Variants in NOL6 observed in about 807,000 individuals in gnomAD.
The protein encoded by NOL6 is nucleolar RNA-associated protein.
In NOL6, 33 loss-of-function variants were observed where a neutral mutation model predicts 131.7. The ratio of observed to expected loss-of-function variants is 0.25; its 90% CI spans 0.19 to 0.33. The LOEUF (loss-of-function observed/expected upper bound fraction) is 0.33. Among genes scored for constraint, NOL6 ranks in the 10% least tolerant of loss-of-function variants. The pLI, the probability that NOL6 is intolerant of heterozygous loss-of-function variation, is 1.00. For missense variants in NOL6, 1,297 were observed against 1,494.5 expected (o/e 0.87, Z 2.18); for synonymous variants, 580 against 605.7 (o/e 0.96, Z 0.62).
chr9:33,464,815 A>T (rs1827195114), intron 21 of NOL6, 64 bp downstream of exon 21: 2 of 1,211,088 alleles, frequency 1.7e-6, no homozygotes, highest in Admixed American at 1.8e-5. Context: ...TGCCAGGGAA[A>T]CCCTTGCCTG....
In NOL6 at chr9:33,464,864, T is replaced by G; in HGVS notation, c.2779+15A>C. 1.3e-6 allele frequency: 2 copies of G among 1,584,512 alleles called. No homozygotes were observed. Among genetic ancestry groups the G allele is most frequent in the Non-Finnish European group, 1.7e-6 (2 of 1,153,524 alleles). On this transcript the variant is annotated intron_variant, in intron 21 of 25. Transcript: ENST00000297990. ...GCTGTTCTTCCAGCAGTCTGACCCCTGTTCTACCACTTACCAGTGAGCTCA... is the reference window on the plus strand; with the variant it reads ...GCTGTTCTTCCAGCAGTCTGACCCCGGTTCTACCACTTACCAGTGAGCTCA...
rs1827264658 is a variant in NOL6 at position 33,466,987 on chromosome 9, G to A, written c.1875C>T (p.Leu625=). The change falls in exon 15 of 26, where the codon CTC becomes CTT. Residue 625 remains leucine (L), a splice_region_variant and synonymous_variant. Coordinates refer to ENST00000297990, the MANE Select transcript of NOL6 (RefSeq NM_022917.5). ...CACAGGTTTCTGGGATGTCAGCATG[G>A]CTGAAAAAGAGGCAGAGACACAGTG... ...PHQVVTHLLA[L]HADIPETCVH... The A allele has an allele frequency of 1.2e-6, 2 of 1,614,024 alleles. No homozygotes were observed. The highest frequency in any genetic ancestry group is 2.7e-5 in the African/African-American group (2 of 74,922).
Position 33,466,971 on chromosome 9 carries a change from C to T in NOL6, c.1891G>A (p.Glu631Lys), listed in dbSNP as rs1827264128. 6.2e-7 allele frequency: 1 copy of T among 1,614,130 alleles called. No individual in the cohort carries two copies. Among genetic ancestry groups the T allele is most frequent in the Non-Finnish European group, 8.5e-7 (1 of 1,180,034 alleles). ...HLLALHADIP[E>K]TCVHYVGGPL... Reference sequence around the variant, plus strand: ...CCCCCCACATAGTGGACACAGGTTTCTGGGATGTCAGCATGGCTGAAAAAG... The same window carrying T: ...CCCCCCACATAGTGGACACAGGTTTTTGGGATGTCAGCATGGCTGAAAAAG... The change falls in exon 15 of 26, where the codon GAA becomes AAA. Residue 631 changes from glutamate (E) to lysine (K), a missense_variant. Coordinates refer to ENST00000297990, the MANE Select transcript of NOL6 (RefSeq NM_022917.5).
At chr9:33,469,406 G>A in intron 5 of NOL6, 65 bp from the exon 6 acceptor site, 1 of 1,610,378 alleles carries the variant, frequency 6.2e-7, no homozygotes, top group Non-Finnish European at 8.5e-7. Flanking sequence ...TCCCCATCCT[G>A]TCCCCCCATA....
chr9:33,468,043 C>A lies in NOL6; in HGVS notation c.1411G>T (p.Asp471Tyr). 6.2e-7 allele frequency: 1 copy of A among 1,614,126 alleles called. No individual in the cohort carries two copies. The highest frequency in any genetic ancestry group is 1.1e-5 in the South Asian group (1 of 91,052). ...MTPKPMIRAF[D>Y]HVLHLRPLSR... is the part of the protein sequence containing the mutation. ...CCCTAAACTCACTGCAGGACATGGT[C>A]AAAAGCCCGGATCATGGGTTTGGGA... is the stretch of plus-strand genomic sequence containing the variant. Residue 471 changes from aspartate (D) to tyrosine (Y), a missense_variant, in exon 11 of 26, where the codon GAC (aspartate) becomes TAC (tyrosine). Physicochemically the swap from Asp to Tyr is radical, Grantham distance 160 (BLOSUM62 -3). Transcript: ENST00000297990.
chr9:33,462,262 C>T lies in NOL6; in HGVS notation c.*402G>A. Reference sequence around the variant, plus strand: ...GGGCATGCTAAGTCTAGGCACAGGTCCTGGCAGCAGGAAGGAGACAGAGCC... The same window carrying T: ...GGGCATGCTAAGTCTAGGCACAGGTTCTGGCAGCAGGAAGGAGACAGAGCC... On this transcript the variant is annotated 3_prime_UTR_variant, in exon 26 of 26. Coordinates refer to ENST00000297990, the MANE Select transcript of NOL6 (RefSeq NM_022917.5). The T allele has an allele frequency of 1.4e-6, 1 of 715,744 alleles. No individual in the cohort carries two copies. Among genetic ancestry groups the T allele is most frequent in the East Asian group, 2.7e-5 (1 of 37,286 alleles). 44.3% of individuals were successfully genotyped at this position (715,744 alleles called of 1,614,324 possible).
chr9:33,472,165 G>A (rs1273999097), intron 2 of NOL6, 41 bp downstream of exon 2: 2 of 1,613,226 alleles, frequency 1.2e-6, no homozygotes, highest in Non-Finnish European at 1.7e-6. Context: ...CAGGGTCCCA[G>A]GTACACACCT....
Position 33,466,243 on chromosome 9 carries a change from G to A in NOL6, c.2210-18C>T, listed in dbSNP as rs754559931. 4 of 1,610,756 alleles carry A rather than the reference G, an allele frequency of 2.5e-6. No individual in the cohort carries two copies. The African/African-American group carries it at 5.3e-5, about 22-fold the overall frequency. On this transcript the variant is annotated intron_variant, in intron 17 of 25. Transcript: ENST00000297990. ...ACAAACCACTGAGGAAGAAGAGTCA[G>A]AGGTCTCATACTGTGGCCTGGAGCT...
intron 1 of NOL6, among the ~76,000 whole-genome samples, chr9:33,473,491 G>A (rs1827470013): frequency 6.6e-6 from 1 of 152,210 alleles, no homozygotes; most frequent in East Asian, 1.9e-4. Context: ...GGAAGATCCC[G>A]CTTATCGTCA....
At position 33,462,146 on chromosome 9, in the gene NOL6, T is replaced by C. The variant is rs1458693161; in HGVS notation, c.*518A>G. 1 of 717,536 alleles carries C rather than the reference T, an allele frequency of 1.4e-6. No homozygotes were observed. Among genetic ancestry groups the C allele is most frequent in the Non-Finnish European group, 2.6e-6 (1 of 385,090 alleles). 44.4% of individuals were successfully genotyped at this position (717,536 alleles called of 1,614,324 possible). On this transcript the variant is annotated 3_prime_UTR_variant, in exon 26 of 26. Transcript: ENST00000297990. ...TCAATGTGGTCTATTCATACACATA[T>C]AGCCCCTTTCCACTGCTCAGTGTCG...
rs368464990 is a variant in NOL6 at position 33,463,928 on chromosome 9, G to A, written c.2905-8C>T. ...CACAAGCTGCTGCAGGATCTGCGGG[G>A]TACAGACACATCAGACTGGAACTGA... On this transcript the variant is annotated splice_region_variant and splice_polypyrimidine_tract_variant and intron_variant, in intron 22 of 25. Coordinates refer to ENST00000297990, the MANE Select transcript of NOL6 (RefSeq NM_022917.5). The A allele has an allele frequency of 5.4e-5, 87 of 1,614,030 alleles. No homozygotes were observed. The African/African-American group carries it at 9.9e-4, about 18-fold the overall frequency.
At chr9:33,465,466 T>C in intron 19 of NOL6, 107 bp from the exon 20 acceptor site, 1 of 1,289,588 alleles carries the variant, frequency 7.8e-7, no homozygotes, top group Middle Eastern at 2.1e-4. Context: ...ATATGTAATC[T>C]CATATTCTCT....
rs952729268 is a variant in NOL6 at position 33,462,775 on chromosome 9, A to G, written c.3330T>C (p.Gly1110=). ...CATTGGGCACCATTACTAGCTCCCCACCTCGAGACATCACCATGCGCCCCT... is the reference window on the plus strand; with the variant it reads ...CATTGGGCACCATTACTAGCTCCCCGCCTCGAGACATCACCATGCGCCCCT... ...STKGRMVMSR[G]GELVMVPNVE... is the part of the protein sequence containing the mutation. Residue 1110 remains glycine (G), a synonymous_variant, in exon 26 of 26, where the codon GGT becomes GGC. Transcript: ENST00000297990. 30 of 1,613,882 alleles carry G rather than the reference A, an allele frequency of 1.9e-5. No homozygotes were observed. The highest frequency in any genetic ancestry group is 1.1e-4 in the South Asian group (10 of 91,066).
chr9:33,465,556 T>A (rs1243614238), intron 19 of NOL6, among the ~76,000 whole-genome samples, 178 bp downstream of exon 19: 1 of 152,240 alleles, frequency 6.6e-6, no homozygotes, highest in Non-Finnish European at 1.5e-5. Flanking sequence ...GAGGAAAATC[T>A]GACCATAGGG....
chr9:33,463,972 C>G, intron 22 of NOL6, 52 bp from the exon 23 acceptor site: 1 of 1,613,314 alleles, frequency 6.2e-7, no homozygotes, highest in Non-Finnish European at 8.5e-7. Flanking sequence ...TCTCCCAGGT[C>G]AGGCTGGGCC....
intron 20 of NOL6, 93 bp from the exon 21 acceptor site, chr9:33,465,069 T>C (rs887820135): frequency 1.6e-5 from 23 of 1,444,738 alleles, no homozygotes; most frequent in Non-Finnish European, 2.0e-5. Context: ...TGGTGTGGAT[T>C]GGCAGGGCAG....
intron 1 of NOL6, among the ~76,000 whole-genome samples, chr9:33,473,224 C>T (rs1827462929): frequency 6.6e-6 from 1 of 152,210 alleles, no homozygotes; most frequent in African/African-American, 2.4e-5. Flanking sequence ...TTTAGCAAGT[C>T]ATTAAATCCT....
chr9:33,466,413 T>G lies in NOL6; in HGVS notation c.2104A>C (p.Thr702Pro). The G allele has an allele frequency of 6.2e-7, 1 of 1,613,632 alleles. No homozygotes were observed. Among genetic ancestry groups the G allele is most frequent in the Middle Eastern group, 1.6e-4 (1 of 6,062 alleles). The change falls in exon 17 of 26, where the codon ACT becomes CCT. Residue 702 changes from threonine (T) to proline (P), a missense_variant. By Grantham distance (38) the Thr-to-Pro change is conservative. Transcript: ENST00000297990. ...VLRYTEVFPP[T>P]PVRPAFSFYE... ...AAGGAGAAGGCTGGACGGACTGGAG[T>G]TGGTGGGAACACCTGTGGAAGAAGA...
intron 21 of NOL6, 83 bp from the exon 22 acceptor site, chr9:33,464,244 C>G (rs1000394347): frequency 3.4e-6 from 5 of 1,466,856 alleles, no homozygotes; most frequent in African/African-American, 1.4e-5. Flanking sequence ...TACGGTGCCC[C>G]CAACGGCTGC....
Sources: allele counts gnomAD v4.1 joint callset (sites outside exome capture counted in the v4.1 genomes callset), GRCh38; gene constraint gnomAD v4.1.1; transcripts MANE v1.5; gene names NCBI Gene and HGNC (gene_info 2026-07-23, HGNC 2026-07-21).